The following AKAP6 variants were observed in gnomAD, a reference collection of about 807,000 sequenced individuals.
AKAP6 encodes the protein A-kinase anchoring protein 6.
Under a neutral mutation model 188.5 loss-of-function variants are expected in AKAP6, and 58 were observed. That is an observed-to-expected ratio of 0.31 (90% CI 0.25 to 0.38). The LOEUF is 0.38. Ranked by LOEUF, AKAP6 falls within the 10% of genes least tolerant of loss-of-function variation. AKAP6 has a pLI of 1.00. For missense variants in AKAP6, 2,710 were observed against 2,740.0 expected (o/e 0.99, Z 0.24); for synonymous variants, 989 against 998.6 (o/e 0.99, Z 0.18).
intron 2 of AKAP6, among the ~76,000 whole-genome samples, chr14:32,480,719 C>G (rs1879299051): frequency 6.6e-6 from 1 of 152,122 alleles, no homozygotes; most frequent in African/African-American, 2.4e-5. Flanking sequence ...GCAAGACAAA[C>G]TCTCAGGAGC....
Position 32,362,500 on chromosome 14 carries a change from C to T in AKAP6, c.-35+33092C>T, listed in dbSNP as rs147771260. 5.3e-4 allele frequency among the ~76,000 whole-genome samples: 81 copies of T among 152,116 alleles called. 1 individual carries two copies. Among genetic ancestry groups the T allele is most frequent in the African/African-American group, 1.8e-3 (75 of 41,488 alleles). The stretch of plus-strand genomic sequence containing the variant: ...ACTCTTATCCCAAATAGTAGTTTTC[C>T]AGGAAAAGGTGTGTGTGTGCATGCT... On this transcript the variant is annotated intron_variant, in intron 1 of 13. Transcript: ENST00000280979.
chr14:32,336,451 G>A (rs906812144), intron 1 of AKAP6, among the ~76,000 whole-genome samples: 5 of 152,128 alleles, frequency 3.3e-5, no homozygotes, highest in African/African-American at 4.8e-5. Context: ...TGCATCAGAT[G>A]TCTACCATGT....
Position 32,546,033 on chromosome 14 carries a change from C to G in AKAP6, c.1380C>G (p.His460Gln). 6.2e-7 allele frequency: 1 copy of G among 1,614,122 alleles called. No individual in the cohort carries two copies. The highest frequency in any genetic ancestry group is 8.5e-7 in the Non-Finnish European group (1 of 1,180,018). ...SAASQSYECL[H>Q]KVGNGNLENT... The stretch of plus-strand genomic sequence containing the variant: ...CCAGCCAGTCTTATGAGTGTTTACA[C>G]AAGGTGGGGAATGGGAACCTTGAAA... Residue 460 changes from histidine (H) to glutamine (Q), a missense_variant, in exon 4 of 14, where the codon CAC becomes CAG. His to Gln is a conservative substitution (Grantham distance 24, BLOSUM62 0). This residue lies in a region of AKAP6 where 2,473 missense variants were observed against 2,426.1 expected (regional missense o/e 1.02). Transcript: ENST00000280979.
chr14:32,351,335 G>A (rs1887260085), intron 1 of AKAP6, among the ~76,000 whole-genome samples: 1 of 152,164 alleles, frequency 6.6e-6, no homozygotes, highest in Non-Finnish European at 1.5e-5. Context: ...GGCTGAGGCA[G>A]GTGGATCACC....
At chr14:32,757,991 A>G (rs2032402451) in intron 11 of AKAP6, among the ~76,000 whole-genome samples, 1 of 152,210 alleles carries the variant, frequency 6.6e-6, no homozygotes, top group Admixed American at 6.5e-5. Context: ...TGCTTATTTG[A>G]ATATTATTCA....
intron 7 of AKAP6, among the ~76,000 whole-genome samples, chr14:32,605,496 G>A (rs377099110): frequency 1.3e-5 from 2 of 152,300 alleles, no homozygotes; most frequent in African/African-American, 4.8e-5. Flanking sequence ...AATGATCAGT[G>A]ATTTGACAAT....
At chr14:32,356,714 C>T (rs1785225317) in intron 1 of AKAP6, among the ~76,000 whole-genome samples, 1 of 152,004 alleles carries the variant, frequency 6.6e-6, no homozygotes, top group African/African-American at 2.4e-5. Context: ...ATTCCCTTTA[C>T]TCTATGCCTT....
At chr14:32,791,595 C>G (rs943673308) in intron 12 of AKAP6, among the ~76,000 whole-genome samples, 1 of 152,074 alleles carries the variant, frequency 6.6e-6, no homozygotes, top group Admixed American at 6.5e-5. Context: ...GTGATAGTTT[C>G]TTTTGCTGTG....
chr14:32,805,361 C>A (rs546945051), intron 12 of AKAP6, among the ~76,000 whole-genome samples: 18 of 152,244 alleles, frequency 1.2e-4, no homozygotes, highest in African/African-American at 4.1e-4. Context: ...AGTTGCCCAG[C>A]CATGTACCAT....
intron 7 of AKAP6, among the ~76,000 whole-genome samples, chr14:32,653,732 G>T (rs1888327346): frequency 6.6e-6 from 1 of 152,140 alleles, no homozygotes; most frequent in South Asian, 2.1e-4. Context: ...AGAATACAAT[G>T]AAATCGAGAA....
Position 32,822,222 on chromosome 14 carries a change from A to C in AKAP6, c.4409A>C (p.Tyr1470Ser). 1 of 1,613,910 alleles carries C rather than the reference A, an allele frequency of 6.2e-7. No homozygotes were observed. Among genetic ancestry groups the C allele is most frequent in the Non-Finnish European group, 8.5e-7 (1 of 1,179,928 alleles). Residue 1470 changes from tyrosine (Y) to serine (S), a missense_variant, in exon 13 of 14, where the codon TAC (tyrosine) becomes TCC (serine). Tyr to Ser is a moderately radical substitution (Grantham distance 144). This residue lies in a region of AKAP6 where 2,473 missense variants were observed against 2,426.1 expected (regional missense o/e 1.02). Coordinates refer to ENST00000280979, the MANE Select transcript of AKAP6 (RefSeq NM_004274.5). Reference sequence around the variant, plus strand: ...CATGATGTGTTTACATTTTATGATTACTCATACCTCCAAGGCTCAAAACTC... The same window carrying C: ...CATGATGTGTTTACATTTTATGATTCCTCATACCTCCAAGGCTCAAAACTC... ...GKHDVFTFYD[Y>S]SYLQGSKLKL... is the part of the protein sequence containing the mutation.
intron 5 of AKAP6, among the ~76,000 whole-genome samples, chr14:32,584,256 C>T (rs1454421274): frequency 6.6e-6 from 1 of 152,152 alleles, no homozygotes; most frequent in East Asian, 1.9e-4. Context: ...ATCTGATAAC[C>T]TGGATGATTA....
At chr14:32,405,604 T>C (rs1032261397) in intron 1 of AKAP6, among the ~76,000 whole-genome samples, 4 of 152,204 alleles carry the variant, frequency 2.6e-5, no homozygotes, top group Admixed American at 2.6e-4. Context: ...AAATCTCATC[T>C]TGAATTATAA....
At chr14:32,733,491 T>A (rs781358303) in intron 10 of AKAP6, 1 of 152,036 alleles carries the variant, frequency 6.6e-6, no homozygotes, top group Non-Finnish European at 1.5e-5. Context: ...TTCTACCTTT[T>A]AAAAAAAATT....
At chr14:32,428,467 C>A (rs1478032205) in intron 1 of AKAP6, among the ~76,000 whole-genome samples, 1 of 152,074 alleles carries the variant, frequency 6.6e-6, no homozygotes, top group Non-Finnish European at 1.5e-5. Flanking sequence ...AGCCCCGACA[C>A]TGGCCTTCAT....
At chr14:32,524,420 A>G (rs1882018836) in intron 2 of AKAP6, among the ~76,000 whole-genome samples, 1 of 152,110 alleles carries the variant, frequency 6.6e-6, no homozygotes, top group Non-Finnish European at 1.5e-5. Flanking sequence ...ACTAAGCCAT[A>G]TATATAAACA....
At chr14:32,772,423 G>A (rs1455647540) in intron 11 of AKAP6, among the ~76,000 whole-genome samples, 2 of 152,118 alleles carry the variant, frequency 1.3e-5, no homozygotes, top group Non-Finnish European at 2.9e-5. Context: ...CATAAATAGA[G>A]GTTTGGGAAT....
chr14:32,500,117 T>C (rs960059142), intron 2 of AKAP6, among the ~76,000 whole-genome samples: 9 of 152,162 alleles, frequency 5.9e-5, no homozygotes, highest in African/African-American at 2.2e-4. Flanking sequence ...ACTAGGTCTT[T>C]ACTTTCAAGA....
At chr14:32,453,736 A>G (rs1428077872) in intron 2 of AKAP6, among the ~76,000 whole-genome samples, 1 of 149,892 alleles carries the variant, frequency 6.7e-6, no homozygotes, top group African/African-American at 2.4e-5. Flanking sequence ...AGCTGGGACT[A>G]CAGGCGCCCG....
Sources: gnomAD v4.1 joint callset for allele counts (sites outside exome capture counted in the v4.1 genomes callset) on GRCh38, gnomAD v4.1.1 for gene constraint, gnomAD v4.1.1 regional missense constraint, MANE v1.5 for transcripts, NCBI Gene and HGNC (gene_info 2026-07-23, HGNC 2026-07-21) for gene names.